The following KCNJ12 variants were observed in gnomAD, a reference collection of about 807,000 sequenced individuals.
KCNJ12 encodes potassium inwardly rectifying channel subfamily J member 12, also known as ATP-sensitive inward rectifier potassium channel 12.
Under a neutral mutation model 22.3 loss-of-function variants are expected in KCNJ12, and 2 were observed. The ratio of observed to expected loss-of-function variants is 0.09; its 90% confidence interval spans 0.04 to 0.28. The LOEUF (loss-of-function observed/expected upper bound fraction) is 0.28. KCNJ12 is among the 10% of genes least tolerant of loss of function. The pLI is 1.00. For missense variants in KCNJ12, 155 were observed against 633.3 expected, an observed-to-expected ratio of 0.24 and a Z score of 8.11; for synonymous variants, 117 against 261.4, an observed-to-expected ratio of 0.45 and a Z score of 5.33.
chr17:21,388,376 C>T (rs1049365952), intron 1 of KCNJ12, among the ~76,000 whole-genome samples: 1 of 152,188 alleles, frequency 6.6e-6, no homozygotes, highest in Admixed American at 6.5e-5. Context: ...TGTGGCTCCT[C>T]ACTGCCCAGA....
chr17:21,382,570 C>T (rs1203917174), intron 1 of KCNJ12, among the ~76,000 whole-genome samples: 1 of 152,210 alleles, frequency 6.6e-6, no homozygotes, highest in Non-Finnish European at 1.5e-5. Context: ...ACTCCAGCGG[C>T]TTTAGTGGCC....
At chr17:21,399,726 C>T (rs574024750) in intron 1 of KCNJ12, among the ~76,000 whole-genome samples, 2 of 152,316 alleles carry the variant, frequency 1.3e-5, no homozygotes, top group East Asian at 3.9e-4. Context: ...GACACCAGGG[C>T]CAACGTGCGT....
intron 1 of KCNJ12, among the ~76,000 whole-genome samples, chr17:21,389,291 C>T (rs868930061): frequency 4.6e-5 from 7 of 152,220 alleles, no homozygotes; most frequent in Admixed American, 2.0e-4. Flanking sequence ...TGCCCCTAGA[C>T]CAAGCTAAGA....
At chr17:21,381,455 C>A (rs1490821377) in intron 1 of KCNJ12, among the ~76,000 whole-genome samples, 1 of 152,156 alleles carries the variant, frequency 6.6e-6, no homozygotes, top group Non-Finnish European at 1.5e-5. Context: ...AGTCTGGCCT[C>A]ACTTCCAGGA....
At position 21,416,880 on chromosome 17, in the gene KCNJ12, T is replaced by C. The variant is rs1597589326; in HGVS notation, c.*236T>C. On this transcript the variant is annotated 3_prime_UTR_variant, in exon 3 of 3. Transcript: ENST00000583088. ...ACAGGCTCAGGGCAAAGAAGTGGCCTCCTGGGGGGCCAGGCCACGAGGGCC... is the reference window on the plus strand; with the variant it reads ...ACAGGCTCAGGGCAAAGAAGTGGCCCCCTGGGGGGCCAGGCCACGAGGGCC... 1 of 621,244 alleles carries C rather than the reference T, an allele frequency of 1.6e-6. No individual in the cohort carries two copies. Among genetic ancestry groups the C allele is most frequent in the Non-Finnish European group, 2.8e-6 (1 of 360,326 alleles). 38.5% of individuals were successfully genotyped at this position (621,244 alleles called of 1,614,324 possible).
chr17:21,414,474 TAAAAAAGA>T (rs1351278200), intron 2 of KCNJ12, among the ~76,000 whole-genome samples: 1 of 141,682 alleles, frequency 7.1e-6, no homozygotes. Flanking sequence ...AGATTCTGTC[TAAAAAAGA>T]AAAAAAGAAA....
At chr17:21,379,420 C>T (rs923295342) in intron 1 of KCNJ12, among the ~76,000 whole-genome samples, 2 of 152,238 alleles carry the variant, frequency 1.3e-5, no homozygotes, top group African/African-American at 4.8e-5. Flanking sequence ...GCTCCCAGGC[C>T]CAGCTCTGGG....
At chr17:21,401,979 G>A (rs1461442714) in intron 1 of KCNJ12, among the ~76,000 whole-genome samples, 4 of 152,362 alleles carry the variant, frequency 2.6e-5, no homozygotes, top group East Asian at 3.9e-4. Flanking sequence ...AGGGCCTTGG[G>A]TAGTGTCTGG....
rs1177920184 is a variant in KCNJ12, at chr17:21,417,238, G to T, written c.*594G>T. 4 of 167,410 alleles carry T rather than the reference G, an allele frequency of 2.4e-5. No individual in the cohort carries two copies. Among genetic ancestry groups the T allele is most frequent in the African/African-American group, 9.6e-5 (4 of 41,458 alleles). The allele number at this position is 167,410 out of a possible 1,614,324, so 10.4% of individuals were successfully genotyped here. A position where few individuals can be genotyped will look rare whatever the true frequency, so the allele number is the denominator to read the frequency against. Reference sequence around the variant, plus strand: ...GGACTGGCCTCTCCCCGTGTGTGTGGGCACCACAGTCCCTGGGCAAGCAGG... The same window carrying T: ...GGACTGGCCTCTCCCCGTGTGTGTGTGCACCACAGTCCCTGGGCAAGCAGG... On this transcript the variant is annotated 3_prime_UTR_variant, in exon 3 of 3. Transcript: ENST00000583088.
At chr17:21,408,356 G>A (rs551392782) in intron 1 of KCNJ12, among the ~76,000 whole-genome samples, 163 bp from the exon 2 acceptor site, 6 of 152,258 alleles carry the variant, frequency 3.9e-5, no homozygotes, top group Non-Finnish European at 7.3e-5. Flanking sequence ...ATGCTGTGAA[G>A]GTGTGGGGCA....
chr17:21,399,843 C>T (rs374117849), intron 1 of KCNJ12, among the ~76,000 whole-genome samples: 11 of 152,316 alleles, frequency 7.2e-5, no homozygotes, highest in South Asian at 4.1e-4. Context: ...TCATCCTATC[C>T]GAGCCCCAGT....
intron 2 of KCNJ12, 54 bp from the exon 3 acceptor site, chr17:21,415,233 T>C: frequency 6.6e-7 from 1 of 1,505,710 alleles, no homozygotes; most frequent in Non-Finnish European, 8.9e-7. Context: ...GGGATGGGGG[T>C]AGAGGAGCCC....
At chr17:21,392,998 T>C (rs1555559485) in intron 1 of KCNJ12, among the ~76,000 whole-genome samples, 1 of 152,148 alleles carries the variant, frequency 6.6e-6, no homozygotes, top group Non-Finnish European at 1.5e-5. Context: ...GGCCCCTAAC[T>C]TCTGCCCCTT....
rs1657740 is a variant in KCNJ12 at position 21,415,695 on chromosome 17, G to A, written c.353G>A (p.Arg118Gln). Residue 118 changes from arginine to glutamine, a missense_variant, in exon 3 of 3, where the codon CGG becomes CAG. By Grantham distance (43) the Arg-to-Gln change is conservative. Coordinates refer to ENST00000583088, the MANE Select transcript of KCNJ12 (RefSeq NM_021012.5). ...GGTGACCTGGAGCCGGCTGAGGGCCGGGGCCGCACACCCTGTGTGATGCAG... is the reference window on the plus strand; with the variant it reads ...GGTGACCTGGAGCCGGCTGAGGGCCAGGGCCGCACACCCTGTGTGATGCAG... ...AHGDLEPAEG[R>Q]GRTPCVMQVH... The A allele has an allele frequency of 1.5e-5, 24 of 1,612,944 alleles. No homozygotes were observed. Among genetic ancestry groups the A allele is most frequent in the Admixed American group, 5.0e-5 (3 of 59,968 alleles).
chr17:21,387,549 TCCTC>T (rs1905109472), intron 1 of KCNJ12, among the ~76,000 whole-genome samples: 1 of 150,932 alleles, frequency 6.6e-6, no homozygotes, highest in Non-Finnish European at 1.5e-5. Flanking sequence ...CAGCAGTGCA[TCCTC>T]GGGTGGGTTT....
chr17:21,384,403 C>T (rs889096142), intron 1 of KCNJ12, among the ~76,000 whole-genome samples: 1 of 152,138 alleles, frequency 6.6e-6, no homozygotes, highest in Non-Finnish European at 1.5e-5. Flanking sequence ...GTTTAAGTAC[C>T]AGGAGAGGTA....
chr17:21,383,241 C>G (rs1904945700), intron 1 of KCNJ12, among the ~76,000 whole-genome samples: 1 of 152,312 alleles, frequency 6.6e-6, no homozygotes, highest in Non-Finnish European at 1.5e-5. Context: ...GAGCTGGCGG[C>G]TCCAGGCCTG....
intron 1 of KCNJ12, among the ~76,000 whole-genome samples, chr17:21,391,633 A>T (rs1485957189): frequency 6.6e-6 from 1 of 152,156 alleles, no homozygotes; most frequent in Admixed American, 6.5e-5. Context: ...GAGGGCAGGC[A>T]TCTTCCCCTG....
intron 1 of KCNJ12, among the ~76,000 whole-genome samples, chr17:21,408,119 G>GA: frequency 6.6e-6 from 1 of 152,306 alleles, no homozygotes; most frequent in Non-Finnish European, 1.5e-5. Flanking sequence ...ACAGGCTGAG[G>GA]GCCTGAATTC....
Sources: allele counts gnomAD v4.1 joint callset (sites outside exome capture counted in the v4.1 genomes callset), GRCh38; gene constraint gnomAD v4.1.1; transcripts MANE v1.5; gene names NCBI Gene and HGNC (gene_info 2026-07-23, HGNC 2026-07-21).